EPS8: variants seen among roughly 807,000 people sequenced by gnomAD.
EPS8 encodes the protein EGFR pathway substrate 8, signaling adaptor, also known as epidermal growth factor receptor kinase substrate 8.
In EPS8, 42 loss-of-function variants were observed where a neutral mutation model predicts 103.8. That is an observed-to-expected ratio of 0.40 (90% CI 0.32 to 0.52). The LOEUF (loss-of-function observed/expected upper bound fraction) is 0.52. Among genes scored for constraint, EPS8 ranks in the 20% least tolerant of loss-of-function variants. The pLI is 0.40. For missense variants in EPS8, 969 were observed against 1,005.1 expected (o/e 0.96, Z 0.49); for synonymous variants, 344 against 344.6 (o/e 1.00, Z 0.02).
Position 15,787,410 on chromosome 12 carries a change from A to T in EPS8, c.-22+1751T>A, listed in dbSNP as rs1305829773. 6.6e-6 allele frequency among the ~76,000 whole-genome samples: 1 copy of T among 152,216 alleles called. No individual in the cohort carries two copies. The highest frequency in any genetic ancestry group is 1.5e-5 in the Non-Finnish European group (1 of 68,024). On this transcript the variant is annotated intron_variant, in intron 1 of 20. Coordinates refer to ENST00000281172, the MANE Select transcript of EPS8 (RefSeq NM_004447.6). This position sits in a 1 kb window ranked among gnomAD's most constrained non-coding sequence, Gnocchi z 4.9. The stretch of plus-strand genomic sequence containing the variant: ...GAAATAAAAACAAAATAAATCTTTA[A>T]GTTTGATCACAAACAAGCAAAATAT...
chr12:15,685,508 C>A (rs933830945), intron 1 of EPS8, among the ~76,000 whole-genome samples: 3 of 152,156 alleles, frequency 2.0e-5, no homozygotes, highest in African/African-American at 7.2e-5. Context: ...AGCATCTCAT[C>A]TTTTCATGTT....
intron 1 of EPS8, chr12:15,732,713 G>T (rs1026721712): frequency 4.3e-6 from 4 of 920,856 alleles, no homozygotes; most frequent in African/African-American, 1.8e-5. Context: ...AGATGAAAAA[G>T]AATATGATTT....
chr12:15,699,409 T>C (rs919185615), intron 1 of EPS8, among the ~76,000 whole-genome samples: 1 of 152,222 alleles, frequency 6.6e-6, no homozygotes, highest in East Asian at 1.9e-4. Context: ...ATGATTGTTA[T>C]GAGGATTATA....
chr12:15,710,640 G>A (rs1355656415), intron 1 of EPS8, among the ~76,000 whole-genome samples: 4 of 152,100 alleles, frequency 2.6e-5, no homozygotes, highest in Non-Finnish European at 5.9e-5. Flanking sequence ...TTTAACCGAC[G>A]TATAATTTCT....
chr12:15,624,192 A>G (rs1460164543), intron 19 of EPS8, 35 bp downstream of exon 19: 2 of 1,566,302 alleles, frequency 1.3e-6, no homozygotes, highest in African/African-American at 1.4e-5. Context: ...CATGTTGTAC[A>G]CACAGAATTG....
intron 18 of EPS8, among the ~76,000 whole-genome samples, chr12:15,624,794 G>C (rs1169408797): frequency 6.6e-6 from 1 of 152,102 alleles, no homozygotes; most frequent in Non-Finnish European, 1.5e-5. Flanking sequence ...CCTTAGACTG[G>C]TGGCTCTCAA....
chr12:15,773,387 C>T (rs1591934399), intron 1 of EPS8, among the ~76,000 whole-genome samples: 1 of 152,144 alleles, frequency 6.6e-6, no homozygotes, highest in Admixed American at 6.6e-5. Context: ...CATGAAGCCA[C>T]AAAATTTCAA....
In EPS8 at chr12:15,706,522, CTTCA is replaced by C. The variant is rs1407181965; in HGVS notation, c.-21-23554_-21-23551del. Among the ~76,000 whole-genome samples, 1 of 152,172 alleles carries C rather than the reference CTTCA, an allele frequency of 6.6e-6. No homozygotes were observed. The highest frequency in any genetic ancestry group is 1.5e-5 in the Non-Finnish European group (1 of 68,038). On this transcript the variant is annotated intron_variant, in intron 1 of 20. Coordinates refer to ENST00000281172, the MANE Select transcript of EPS8 (RefSeq NM_004447.6). The surrounding 1 kb of genome is among the most constrained non-coding windows in gnomAD (Gnocchi z 5.2). ...TGTTTTCACAGCACTCTGAAATTCT[CTTCA>C]TAAATCTTTACTGTTAGACATTTGG... is the stretch of plus-strand genomic sequence containing the variant.
chr12:15,740,562 TAAA>T (rs1445552519), intron 1 of EPS8, among the ~76,000 whole-genome samples: 2 of 142,632 alleles, frequency 1.4e-5, no homozygotes, highest in African/African-American at 5.1e-5. Flanking sequence ...TAAAAAATAA[TAAA>T]AATAAATAAA....
intron 14 of EPS8, 25 bp downstream of exon 14, chr12:15,650,798 A>T (rs751010351): frequency 6.4e-7 from 1 of 1,569,158 alleles, no homozygotes; most frequent in Non-Finnish European, 8.8e-7. Context: ...CTGTCTACAG[A>T]GGGCAATGTT....
chr12:15,654,094 T>C, intron 13 of EPS8, 51 bp downstream of exon 13: 2 of 1,524,938 alleles, frequency 1.3e-6, no homozygotes, highest in Admixed American at 1.7e-5. Flanking sequence ...ATTAGATCCA[T>C]GTAATTAACA....
At chr12:15,644,077 G>A (rs1267052117) in intron 15 of EPS8, among the ~76,000 whole-genome samples, 2 of 152,164 alleles carry the variant, frequency 1.3e-5, no homozygotes, top group Non-Finnish European at 2.9e-5. Flanking sequence ...TCCTGTGGAC[G>A]AATCATAACC....
chr12:15,711,923 GTTAT>G (rs1946470708), intron 1 of EPS8, among the ~76,000 whole-genome samples: 1 of 152,068 alleles, frequency 6.6e-6, no homozygotes, highest in African/African-American at 2.4e-5. Flanking sequence ...AACTTAATCA[GTTAT>G]TTATTTTTGC....
At position 15,734,642 on chromosome 12, in the gene EPS8, C is replaced by T. The variant is rs1368479552; in HGVS notation, c.-21-51670G>A. Among the ~76,000 whole-genome samples, 4 of 151,878 alleles carry T rather than the reference C, an allele frequency of 2.6e-5. No individual in the cohort carries two copies. The highest frequency in any genetic ancestry group is 1.9e-4 in the East Asian group (1 of 5,176). Reference sequence around the variant, plus strand: ...CTGGGAGGCGGACCTTGCAGTGAGCCGAGATCGCGCCACTGTACTCCAGCC... The same window carrying T: ...CTGGGAGGCGGACCTTGCAGTGAGCTGAGATCGCGCCACTGTACTCCAGCC... On this transcript the variant is annotated intron_variant, in intron 1 of 20. Transcript: ENST00000281172. The surrounding 1 kb of genome is among the most constrained non-coding windows in gnomAD (Gnocchi z 4.1).
intron 15 of EPS8, among the ~76,000 whole-genome samples, chr12:15,642,708 T>C (rs1945253408): frequency 6.6e-6 from 1 of 152,192 alleles, no homozygotes; most frequent in Non-Finnish European, 1.5e-5. Flanking sequence ...ACAAGGGAAA[T>C]AGCAGGTAGA....
intron 13 of EPS8, among the ~76,000 whole-genome samples, chr12:15,653,773 A>G (rs904319261): frequency 2.0e-5 from 3 of 152,208 alleles, no homozygotes; most frequent in African/African-American, 4.8e-5. Flanking sequence ...AGTTCTGTAA[A>G]GTGCATGGAC....
At chr12:15,740,850 G>T (rs927818391) in intron 1 of EPS8, among the ~76,000 whole-genome samples, 1 of 152,310 alleles carries the variant, frequency 6.6e-6, no homozygotes, top group East Asian at 1.9e-4. Flanking sequence ...TGTGGCTAAT[G>T]CATCATGTCC....
rs750172542 is a variant in EPS8, at chr12:15,628,531, C to T, written c.2044+2911G>A. 2.0e-5 allele frequency among the ~76,000 whole-genome samples: 3 copies of T among 152,174 alleles called. No individual in the cohort carries two copies. The East Asian group carries it at 5.8e-4, about 29-fold the overall frequency. ...CAAAGGAAATGGGAGAAATACAAAGCAACTAAAGTTTGGCATCTTAAAAGC... is the reference window on the plus strand; with the variant it reads ...CAAAGGAAATGGGAGAAATACAAAGTAACTAAAGTTTGGCATCTTAAAAGC... On this transcript the variant is annotated intron_variant, in intron 18 of 20. Transcript: ENST00000281172.
chr12:15,655,316 C>G (rs774112256), intron 12 of EPS8, among the ~76,000 whole-genome samples: 1 of 152,174 alleles, frequency 6.6e-6, no homozygotes, highest in African/African-American at 2.4e-5. Flanking sequence ...TAACACATTA[C>G]ACTATTACAC....
Sources: allele counts gnomAD v4.1 joint callset (sites outside exome capture counted in the v4.1 genomes callset), GRCh38; gene constraint gnomAD v4.1.1; non-coding constraint Gnocchi (gnomAD v3.1); transcripts MANE v1.5; gene names NCBI Gene and HGNC (gene_info 2026-07-23, HGNC 2026-07-21).